Variants in BCCIP observed in about 807,000 individuals in gnomAD.
The protein encoded by BCCIP is BRCA2 and CDKN1A-interacting protein.
Under a neutral mutation model 32.8 loss-of-function variants are expected in BCCIP, and 23 were observed. The observed-to-expected ratio is 0.70, with a 90% CI of 0.51 to 0.99. BCCIP has a LOEUF of 0.99. BCCIP is among the 50% of genes least tolerant of loss of function. The pLI, the probability that BCCIP is intolerant of heterozygous loss-of-function variation, is 0.00. For missense variants in BCCIP, 378 were observed against 379.8 expected (o/e 1.00, Z 0.04); for synonymous variants, 144 against 137.6 (o/e 1.05, Z -0.33).
downstream of BCCIP, chr10:125,841,308 A>G (rs1854873316): frequency 6.2e-7 from 1 of 1,614,158 alleles, no homozygotes; most frequent in Non-Finnish European, 8.5e-7. Context: ...GAGGATTGGA[A>G]CCAGTTCCGA....
downstream of BCCIP, among the ~76,000 whole-genome samples, chr10:125,844,987 C>T (rs147932500): frequency 1.2e-4 from 18 of 152,308 alleles, no homozygotes; most frequent in East Asian, 1.4e-3. Context: ...TTCTGTGGAA[C>T]CCCAAATGCC....
downstream of BCCIP, chr10:125,838,111 A>G: frequency 8.3e-7 from 1 of 1,210,386 alleles, no homozygotes; most frequent in Non-Finnish European, 1.1e-6. Context: ...ATCAGTATAA[A>G]CTTTAGAACT....
chr10:125,834,023 C>G, intron 6 of BCCIP, 77 bp downstream of exon 6: 1 of 1,498,838 alleles, frequency 6.7e-7, no homozygotes, highest in African/African-American at 1.4e-5. Flanking sequence ...TTATTGTTCT[C>G]CCACTTTAGG....
intron 7 of BCCIP, among the ~76,000 whole-genome samples, chr10:125,848,122 G>A (rs1219667823): frequency 6.6e-6 from 1 of 152,174 alleles, no homozygotes; most frequent in Non-Finnish European, 1.5e-5. Context: ...ATTTATTTTA[G>A]GGTTGGGACT....
chr10:125,845,080 CAG>C (rs763327713), downstream of BCCIP, among the ~76,000 whole-genome samples: 58 of 152,308 alleles, frequency 3.8e-4, no homozygotes, highest in Middle Eastern at 3.4e-3. Context: ...CTGCAACCAG[CAG>C]AGGAGGAGCC....
downstream of BCCIP, among the ~76,000 whole-genome samples, chr10:125,837,197 GGA>G (rs1171169450): frequency 4.6e-5 from 7 of 152,308 alleles, no homozygotes; most frequent in East Asian, 3.9e-4. Flanking sequence ...TTTGGGTAGG[GGA>G]GAGAGGGGGT....
chr10:125,852,550 AG>A, intron 7 of BCCIP: 1 of 1,613,552 alleles, frequency 6.2e-7, no homozygotes, highest in Non-Finnish European at 8.5e-7. Context: ...TACCTGAAGA[AG>A]ATGAGCCAAG....
At chr10:125,835,575 T>C (rs1271154632) in intron 6 of BCCIP, among the ~76,000 whole-genome samples, 1 of 23,698 alleles carries the variant, frequency 4.2e-5, no homozygotes, top group Non-Finnish European at 7.9e-5. Context: ...TGAGACTCTG[T>C]CTCAAAAAAA....
In BCCIP at chr10:125,833,912, T is replaced by C; in HGVS notation, c.740T>C (p.Met247Thr). ...AGCAACAAAAAGAAAGCTGCGTTAA[T>C]GTTTGCAAATGCAGAGGAAGAATTT... is the stretch of plus-strand genomic sequence containing the variant. ...KPSNKKKAAL[M>T]FANAEEEFFY... is the part of the protein sequence containing the mutation. Residue 247 changes from methionine to threonine, a missense_variant, in exon 6 of 7, where the codon ATG (methionine) becomes ACG (threonine). Transcript: ENST00000278100. The C allele has an allele frequency of 6.2e-7, 1 of 1,614,234 alleles. No homozygotes were observed. Among genetic ancestry groups the C allele is most frequent in the Non-Finnish European group, 8.5e-7 (1 of 1,180,040 alleles).
At chr10:125,845,210 G>A (rs1192913829), downstream of BCCIP, among the ~76,000 whole-genome samples, 2 of 152,200 alleles carry the variant, frequency 1.3e-5, no homozygotes, top group African/African-American at 4.8e-5. Flanking sequence ...TCTTATAGAT[G>A]TCAGATGGTA....
At chr10:125,847,034 G>C (rs1316932820), downstream of BCCIP, among the ~76,000 whole-genome samples, 1 of 152,156 alleles carries the variant, frequency 6.6e-6, no homozygotes, top group Non-Finnish European at 1.5e-5. Flanking sequence ...AGCAAATGAA[G>C]TTTCTGTTTC....
intron 6 of BCCIP, among the ~76,000 whole-genome samples, chr10:125,834,531 G>A (rs1238016951): frequency 1.3e-5 from 2 of 152,018 alleles, no homozygotes; most frequent in Admixed American, 6.6e-5. Flanking sequence ...GGCCAGGTGC[G>A]GTGGTGCACA....
At chr10:125,845,426 C>A (rs1944005627), downstream of BCCIP, among the ~76,000 whole-genome samples, 1 of 152,216 alleles carries the variant, frequency 6.6e-6, no homozygotes, top group Non-Finnish European at 1.5e-5. Flanking sequence ...TATGTACTTT[C>A]CTACAGGTAA....
At chr10:125,837,433 CCTT>C (rs1854729971), downstream of BCCIP, among the ~76,000 whole-genome samples, 1 of 152,144 alleles carries the variant, frequency 6.6e-6, no homozygotes, top group South Asian at 2.1e-4. Flanking sequence ...AGTTATTTTT[CCTT>C]TTTTCTTTTT....
At chr10:125,827,185 G>A (rs541688069) in intron 2 of BCCIP, among the ~76,000 whole-genome samples, 1 of 151,182 alleles carries the variant, frequency 6.6e-6, no homozygotes, top group African/African-American at 2.4e-5. Flanking sequence ...GTGCTGTTTG[G>A]TGCTATAAAA....
At chr10:125,837,705 A>G (rs768585017), downstream of BCCIP, among the ~76,000 whole-genome samples, 3 of 152,210 alleles carry the variant, frequency 2.0e-5, no homozygotes, top group Non-Finnish European at 4.4e-5. Flanking sequence ...CTGGCCAGCT[A>G]CAGTGATCCT....
intron 7 of BCCIP, among the ~76,000 whole-genome samples, chr10:125,851,750 T>C (rs1167264422): frequency 6.6e-6 from 1 of 151,894 alleles, no homozygotes; most frequent in Non-Finnish European, 1.5e-5. Context: ...AAAAGAAATC[T>C]ACATCTACAA....
rs1241105691 is a variant in BCCIP at position 125,842,068 on chromosome 10, C to T, written c.*709C>T. ...TGTGAAACAACGGTTTGCAAGCCAC[C>T]AAATACCAGGGAGTGAAGGATAGTG... On this transcript the variant is annotated 3_prime_UTR_variant, in exon 7 of 7. Transcript: ENST00000299130. The T allele has an allele frequency of 6.0e-6, 7 of 1,157,822 alleles. No homozygotes were observed. The African/African-American group carries it at 9.6e-5, about 16-fold the overall frequency. 71.7% of individuals were successfully genotyped at this position (1,157,822 alleles called of 1,614,324 possible).
chr10:125,842,787 G>T (rs927249089), exon 7 of BCCIP: 2 of 946,924 alleles, frequency 2.1e-6, no homozygotes, highest in Admixed American at 1.2e-4. Context: ...TGCAAATAAA[G>T]AAATAAAGAT....
Sources: allele counts gnomAD v4.1 joint callset (sites outside exome capture counted in the v4.1 genomes callset), GRCh38; gene constraint gnomAD v4.1.1; transcripts MANE v1.5; gene names NCBI Gene and HGNC (gene_info 2026-07-23, HGNC 2026-07-21).